The following RANGAP1 variants were observed in gnomAD, a reference collection of about 807,000 sequenced individuals.
RANGAP1 encodes the protein Ran GTPase activating protein 1, also known as ran GTPase-activating protein 1.
RANGAP1 carries 38 observed loss-of-function variants against 63.5 expected under a neutral mutation model. The ratio of observed to expected loss-of-function variants is 0.60; its 90% confidence interval spans 0.46 to 0.78. RANGAP1 has a LOEUF of 0.78. Ranked by LOEUF, RANGAP1 falls within the 30% of genes least tolerant of loss-of-function variation. The probability of loss-of-function intolerance (pLI) is 0.00; values close to 1 mark genes in which losing one functional copy is unlikely to be tolerated. For synonymous variants in RANGAP1, 329 were observed against 310.5 expected (o/e 1.06, Z -0.63); for missense variants, 630 against 740.3 (o/e 0.85, Z 1.73).
rs969013162 is a variant in RANGAP1, at chr22:41,270,473, G to A, written c.241-2317C>T. Reference sequence around the variant, plus strand: ...TCCCTTATTTTTTATTTTGAGACAGGGTCTCACTCTGTCGCCCAGGCCGGG... The same window carrying A: ...TCCCTTATTTTTTATTTTGAGACAGAGTCTCACTCTGTCGCCCAGGCCGGG... On this transcript the variant is annotated intron_variant, in intron 3 of 15. Coordinates refer to ENST00000356244, the MANE Select transcript of RANGAP1 (RefSeq NM_002883.4). Among the ~76,000 whole-genome samples the A allele has an allele frequency of 3.3e-5, 5 of 152,034 alleles. No homozygotes were observed. The South Asian group carries it at 1.0e-3, about 32-fold the overall frequency.
At chr22:41,256,678 C>G (rs760862868) in intron 8 of RANGAP1, 33 bp downstream of exon 8, 1 of 1,594,862 alleles carries the variant, frequency 6.3e-7, no homozygotes, top group Non-Finnish European at 8.6e-7. Flanking sequence ...CCACAGACCC[C>G]AGAGGGAGGA....
the RANGAP1 span, among the ~76,000 whole-genome samples, chr22:41,299,421 C>T: frequency 1.3e-5 from 2 of 151,988 alleles, no homozygotes; most frequent in Non-Finnish European, 2.9e-5. Flanking sequence ...CCTGAGCCAC[C>T]GCGCCCGGCC....
intron 10 of RANGAP1, among the ~76,000 whole-genome samples, chr22:41,254,993 A>AG (rs1405719416): frequency 6.6e-6 from 1 of 151,758 alleles, no homozygotes; most frequent in Non-Finnish European, 1.5e-5. Context: ...CAAAAAAAAA[A>AG]AACAAAAAAA....
At chr22:41,264,877 G>C (rs772281988) in intron 4 of RANGAP1, 34 bp from the exon 5 acceptor site, 1 of 1,576,428 alleles carries the variant, frequency 6.3e-7, no homozygotes, top group South Asian at 1.1e-5. Flanking sequence ...CAGTTTCATA[G>C]ACACCCAGCT....
intron 15 of RANGAP1, 148 bp downstream of exon 15, chr22:41,249,182 C>A: frequency 1.7e-6 from 2 of 1,160,206 alleles, no homozygotes; most frequent in Non-Finnish European, 2.4e-6. Context: ...TGCTGAGAGC[C>A]CAGGAGGCAT....
intron 13 of RANGAP1, 85 bp downstream of exon 13, chr22:41,250,922 C>G: frequency 8.7e-7 from 1 of 1,152,334 alleles, no homozygotes; most frequent in Non-Finnish European, 1.3e-6. Flanking sequence ...CTGGGGCTGA[C>G]GAGTTACGGC....
At chr22:41,295,408 T>G in the RANGAP1 span, among the ~76,000 whole-genome samples, 3 of 152,124 alleles carry the variant, frequency 2.0e-5, no homozygotes, top group South Asian at 2.1e-4. Context: ...CCCCCAACCC[T>G]GTGCTCTCTG....
upstream of RANGAP1, among the ~76,000 whole-genome samples, chr22:41,288,255 G>T (rs2035796955): frequency 6.6e-6 from 1 of 152,148 alleles, no homozygotes; most frequent in South Asian, 2.1e-4. Context: ...TCCTGCAGGT[G>T]CCCACAGCAA....
At chr22:41,291,694 C>T in the RANGAP1 span, among the ~76,000 whole-genome samples, 3 of 150,780 alleles carry the variant, frequency 2.0e-5, no homozygotes, top group Admixed American at 1.3e-4. Context: ...GTCAGGAGAT[C>T]GAGACCATCC....
intron 4 of RANGAP1, among the ~76,000 whole-genome samples, chr22:41,266,008 C>T (rs1465718630): frequency 2.0e-5 from 3 of 152,180 alleles, no homozygotes; most frequent in Non-Finnish European, 4.4e-5. Flanking sequence ...CGAGACCATC[C>T]TGGCTAACAC....
intron 4 of RANGAP1, among the ~76,000 whole-genome samples, chr22:41,265,458 G>A (rs776148276): frequency 3.3e-5 from 5 of 152,230 alleles, no homozygotes; most frequent in South Asian, 2.1e-4. Context: ...CCTGCCAGCC[G>A]GTGTGACAAG....
chr22:41,244,869 ATCT>A lies in RANGAP1; in HGVS notation c.*1731_*1733del, dbSNP rs2032945042. 2.0e-5 allele frequency among the ~76,000 whole-genome samples: 3 copies of A among 152,320 alleles called. No homozygotes were observed. Among genetic ancestry groups the A allele is most frequent in the South Asian group, 4.1e-4 (2 of 4,820 alleles). ...CATCACCACTCTCCATTTCCAGAAC[ATCT>A]TCATCATCCCAGAGAATCTGTTTGC... On this transcript the variant is annotated 3_prime_UTR_variant, in exon 16 of 16. Coordinates refer to ENST00000356244, the MANE Select transcript of RANGAP1 (RefSeq NM_002883.4).
Position 41,254,432 on chromosome 22 carries a change from T to C in RANGAP1, c.1136A>G (p.Glu379Gly), listed in dbSNP as rs2033684191. The C allele has an allele frequency of 3.7e-6, 6 of 1,612,238 alleles. No homozygotes were observed. Among genetic ancestry groups the C allele is most frequent in the Non-Finnish European group, 4.2e-6 (5 of 1,179,176 alleles). The change falls in exon 11 of 16, where the codon GAG becomes GGG. Residue 379 changes from glutamate (E) to glycine (G), a missense_variant. Coordinates refer to ENST00000356244, the MANE Select transcript of RANGAP1 (RefSeq NM_002883.4). Reference protein sequence around the residue: ...GEEEEEEAEEEEEEDEEEEEE... With the variant: ...GEEEEEEAEEGEEEDEEEEEE... Reference sequence around the variant, plus strand: ...CTCCTCTTCCTCATCTTCCTCCTCCTCTTCTTCTGCTTCCTCTTCTTCCTC... The same window carrying C: ...CTCCTCTTCCTCATCTTCCTCCTCCCCTTCTTCTGCTTCCTCTTCTTCCTC...
At chr22:41,271,076 C>T (rs879807637) in intron 3 of RANGAP1, among the ~76,000 whole-genome samples, 227 of 152,232 alleles carry the variant, frequency 1.5e-3, no homozygotes, top group African/African-American at 5.2e-3. Context: ...TGATCTCCCA[C>T]GAGAACAGCA....
At chr22:41,254,916 G>A (rs1246332936) in intron 10 of RANGAP1, among the ~76,000 whole-genome samples, 1 of 151,358 alleles carries the variant, frequency 6.6e-6, no homozygotes, top group Non-Finnish European at 1.5e-5. Context: ...AGCTGGCAGT[G>A]AGCCGAAATT....
chr22:41,269,771 A>C (rs1204960951), intron 3 of RANGAP1, among the ~76,000 whole-genome samples: 2 of 151,912 alleles, frequency 1.3e-5, no homozygotes, highest in African/African-American at 4.8e-5. Context: ...GAAGAGAAAA[A>C]TTTGAATGTT....
At chr22:41,300,997 T>TC in the RANGAP1 span, among the ~76,000 whole-genome samples, 1 of 151,976 alleles carries the variant, frequency 6.6e-6, no homozygotes, top group African/African-American at 2.4e-5. Context: ...CCAAATACTC[T>TC]CCCTGACCGC....
At chr22:41,278,041 T>G (rs2035259650) in intron 2 of RANGAP1, among the ~76,000 whole-genome samples, 1 of 150,222 alleles carries the variant, frequency 6.7e-6, no homozygotes, top group Admixed American at 6.7e-5. Context: ...AACTTGAGTT[T>G]TTTTTTTTTT....
chr22:41,274,491 A>C (rs1406709040), intron 3 of RANGAP1, 109 bp downstream of exon 3: 3 of 1,502,772 alleles, frequency 2.0e-6, no homozygotes, highest in Non-Finnish European at 1.8e-6. Flanking sequence ...CTTGGGGTAC[A>C]GCCACACAGG....
Sources: allele counts gnomAD v4.1 joint callset (sites outside exome capture counted in the v4.1 genomes callset), GRCh38; gene constraint gnomAD v4.1.1; transcripts MANE v1.5; gene names NCBI Gene and HGNC (gene_info 2026-07-23, HGNC 2026-07-21).